Variants in CABIN1 observed in about 807,000 individuals in gnomAD.
The protein encoded by CABIN1 is calcineurin binding protein 1, also known as calcineurin-binding protein cabin-1.
A neutral mutation model predicts 227.7 loss-of-function variants in CABIN1; 133 were observed. The ratio of observed to expected loss-of-function variants is 0.58; its 90% CI spans 0.51 to 0.67. The LOEUF (loss-of-function observed/expected upper bound fraction) is 0.67, where lower values mean the gene tolerates loss of function less well. Among genes scored for constraint, CABIN1 ranks in the 30% least tolerant of loss-of-function variants. The pLI, the probability that CABIN1 is intolerant of heterozygous loss-of-function variation, is 0.00. For synonymous variants in CABIN1, 1,086 were observed against 1,155.1 expected, an observed-to-expected ratio of 0.94 and a Z score of 1.21; for missense variants, 2,408 against 2,852.5, an observed-to-expected ratio of 0.84 and a Z score of 3.55.
intron 16 of CABIN1, among the ~76,000 whole-genome samples, chr22:24,067,854 T>G (rs1285602823): frequency 1.1e-4 from 16 of 152,142 alleles, no homozygotes; most frequent in Admixed American, 1.0e-3. Flanking sequence ...CACTAGCAGG[T>G]GCTGTGGAGG....
At chr22:24,145,112 A>C (rs1349184438) in intron 29 of CABIN1, among the ~76,000 whole-genome samples, 1 of 152,014 alleles carries the variant, frequency 6.6e-6, no homozygotes, top group Non-Finnish European at 1.5e-5. Flanking sequence ...AGGGCCTCGC[A>C]GAGTTGCATG....
intron 24 of CABIN1, chr22:24,092,085 T>G: frequency 3.4e-6 from 2 of 583,874 alleles, no homozygotes; most frequent in Non-Finnish European, 6.1e-6. Context: ...GAAAATTGTC[T>G]TTCCTCACTA....
Position 24,139,064 on chromosome 22 carries a change from C to CA in CABIN1, c.4746+4652dup, listed in dbSNP as rs894167238. Among the ~76,000 whole-genome samples, 5 of 152,262 alleles carry CA rather than the reference C, an allele frequency of 3.3e-5. 1 individual carries two copies. Among genetic ancestry groups the CA allele is most frequent in the Admixed American group, 6.5e-5 (1 of 15,298 alleles). On this transcript the variant is annotated intron_variant, in intron 29 of 36. Transcript: ENST00000263119. Reference sequence around the variant, plus strand: ...TTAGGAGCCAGCAACCATGGATGAACAAACATATATATATCTTGTCATATA... The same window carrying CA: ...TTAGGAGCCAGCAACCATGGATGAACAAAACATATATATATCTTGTCATATA...
At chr22:24,086,055 G>A (rs896252927) in intron 22 of CABIN1, among the ~76,000 whole-genome samples, 12 of 152,234 alleles carry the variant, frequency 7.9e-5, no homozygotes, top group Admixed American at 7.2e-4. Flanking sequence ...AAGCCAGTTT[G>A]CAAGACTTGT....
At chr22:24,087,382 T>C in intron 22 of CABIN1, 70 bp from the exon 23 acceptor site, 1 of 1,595,906 alleles carries the variant, frequency 6.3e-7, no homozygotes, top group East Asian at 2.2e-5. Flanking sequence ...GCCTGTCCAC[T>C]AGGCTGTCAT....
chr22:24,136,183 A>C (rs1325282369), intron 29 of CABIN1, among the ~76,000 whole-genome samples: 2 of 152,214 alleles, frequency 1.3e-5, no homozygotes, highest in East Asian at 3.9e-4. Context: ...AGATGCGCAT[A>C]AAAGGCAAAA....
chr22:24,176,154 G>T lies in CABIN1; in HGVS notation c.6084G>T (p.Pro2028=), dbSNP rs138472434. 1 of 1,610,836 alleles carries T rather than the reference G, an allele frequency of 6.2e-7. No individual in the cohort carries two copies. Among genetic ancestry groups the T allele is most frequent in the African/African-American group, 1.3e-5 (1 of 75,022 alleles). The change falls in exon 35 of 37, where the codon CCG becomes CCT. Residue 2028 remains proline (P), a synonymous_variant. Transcript: ENST00000263119. ...GAGTGGCAGAGGGCACCAGCTTCCC[G>T]CCTCAGGAGCCACGGCACAGTCCGC... ...LARVAEGTSF[P]PQEPRHSPQV...
At chr22:24,120,228 A>G (rs1317384762) in intron 28 of CABIN1, among the ~76,000 whole-genome samples, 1 of 151,998 alleles carries the variant, frequency 6.6e-6, no homozygotes, top group Non-Finnish European at 1.5e-5. Context: ...TGCCAAAACC[A>G]TCTTCACAGC....
rs547577851 is a variant in CABIN1 at position 24,075,429 on chromosome 22, CTT to C, written c.2633-736_2633-735del. ...TAGTTCTTTTTCCTCCTGTTTTACT[CTT>C]TTTCTTCTGTATTATTCAGGTAGAC... is the stretch of plus-strand genomic sequence containing the variant. On this transcript the variant is annotated intron_variant, in intron 18 of 36. Transcript: ENST00000263119. 2.9e-3 allele frequency among the ~76,000 whole-genome samples: 443 copies of C among 152,252 alleles called. 8 individuals are homozygous for C. Among genetic ancestry groups the C allele is most frequent in the Middle Eastern group, 0.014 (4 of 294 alleles).
chr22:24,127,678 C>G (rs1340303727), intron 28 of CABIN1, among the ~76,000 whole-genome samples: 1 of 152,132 alleles, frequency 6.6e-6, no homozygotes, highest in African/African-American at 2.4e-5. Context: ...TGGCCCAGGA[C>G]CTGTGGGGTG....
rs192321516 is a variant in CABIN1, at chr22:24,175,648, G to T, written c.6041-463G>T. On this transcript the variant is annotated intron_variant, in intron 34 of 36. Coordinates refer to ENST00000263119, the MANE Select transcript of CABIN1 (RefSeq NM_012295.4). ...TGGCCCCTGCCTCAGGCCAGGGAAGGTGTGGCTGGCTGGGCAGGAGCCATA... is the reference window on the plus strand; with the variant it reads ...TGGCCCCTGCCTCAGGCCAGGGAAGTTGTGGCTGGCTGGGCAGGAGCCATA... 9.1e-4 allele frequency: 238 copies of T among 260,150 alleles called. 1 individual carries two copies. The highest frequency in any genetic ancestry group is 1.4e-3 in the Admixed American group (28 of 19,860). 16.1% of individuals were successfully genotyped at this position (260,150 alleles called of 1,614,324 possible).
intron 29 of CABIN1, among the ~76,000 whole-genome samples, chr22:24,155,489 A>T (rs893207015): frequency 6.6e-6 from 1 of 152,114 alleles, no homozygotes; most frequent in African/African-American, 2.4e-5. Context: ...TAGCTGGAAG[A>T]TGAGGCCCCT....
At position 24,177,667 on chromosome 22, in the gene CABIN1, G is replaced by A; in HGVS notation, c.6369G>A (p.Arg2123=). The A allele has an allele frequency of 3.1e-6, 5 of 1,613,780 alleles. No homozygotes were observed. Among genetic ancestry groups the A allele is most frequent in the Non-Finnish European group, 4.2e-6 (5 of 1,179,888 alleles). Reference sequence around the variant, plus strand: ...ACCCAGGCAAGCCTGAGCCCAGCCGGGCTAAGTCCCGCCCCCTGCCCAACA... The same window carrying A: ...ACCCAGGCAAGCCTGAGCCCAGCCGAGCTAAGTCCCGCCCCCTGCCCAACA... ...EGHPGKPEPS[R]AKSRPLPNMP... The change falls in exon 36 of 37, where the codon CGG becomes CGA. Residue 2123 remains arginine, a synonymous_variant. Coordinates refer to ENST00000263119, the MANE Select transcript of CABIN1 (RefSeq NM_012295.4). The surrounding 1 kb of genome is among the most constrained non-coding windows in gnomAD (Gnocchi z 4.4).
intron 32 of CABIN1, among the ~76,000 whole-genome samples, chr22:24,168,170 C>T (rs756994843): frequency 1.3e-5 from 2 of 152,212 alleles, no homozygotes; most frequent in Non-Finnish European, 2.9e-5. Context: ...AATTCTGGCA[C>T]CAGTACCTGG....
chr22:24,018,850 G>C (rs2035491885), intron 1 of CABIN1, among the ~76,000 whole-genome samples: 1 of 151,956 alleles, frequency 6.6e-6, no homozygotes, highest in Non-Finnish European at 1.5e-5. Flanking sequence ...AAATTAACTT[G>C]GGAAGAACTG....
At chr22:24,156,492 T>G in intron 29 of CABIN1, 1 of 167,848 alleles carries the variant, frequency 6.0e-6, no homozygotes, top group Non-Finnish European at 1.3e-5. Flanking sequence ...GGGCGTGCGC[T>G]GCGCGAAAGC....
At chr22:24,108,996 T>G (rs890914438) in intron 26 of CABIN1, among the ~76,000 whole-genome samples, 1 of 152,246 alleles carries the variant, frequency 6.6e-6, no homozygotes. Flanking sequence ...TGTTAGGCAC[T>G]GATTCAAACA....
rs947291400 is a variant in CABIN1, at chr22:24,119,532, A to G, written c.4466A>G (p.Glu1489Gly). ...AAGAAGAGAGGGGACCTCCCAGGGG[A>G]GCCAGTGGCCTTCCCCCAGGGGCTG... ...DGKKRGDLPG[E>G]PVAFPQGLPA... Residue 1489 changes from glutamate (E) to glycine (G), a missense_variant, in exon 28 of 37, where the codon GAG becomes GGG. Glu to Gly is a moderately conservative substitution (Grantham distance 98, BLOSUM62 -2). Transcript: ENST00000263119. 1.9e-6 allele frequency: 3 copies of G among 1,613,894 alleles called. No individual in the cohort carries two copies. Among genetic ancestry groups the G allele is most frequent in the Non-Finnish European group, 2.5e-6 (3 of 1,180,004 alleles).
intron 1 of CABIN1, among the ~76,000 whole-genome samples, chr22:24,011,972 G>C (rs943872573): frequency 1.3e-5 from 2 of 152,196 alleles, no homozygotes; most frequent in African/African-American, 4.8e-5. Context: ...GTTATTACAG[G>C]TTATAAGTGT....
Sources: allele counts gnomAD v4.1 joint callset (sites outside exome capture counted in the v4.1 genomes callset), GRCh38; gene constraint gnomAD v4.1.1; non-coding constraint Gnocchi (gnomAD v3.1); transcripts MANE v1.5; gene names NCBI Gene and HGNC (gene_info 2026-07-23, HGNC 2026-07-21).